COL9A3: variants seen among roughly 807,000 people sequenced by gnomAD.
The protein encoded by COL9A3 is collagen type IX alpha 3 chain.
COL9A3 carries 82 observed loss-of-function variants against 110.2 expected under a neutral mutation model. That is an observed-to-expected ratio of 0.74 (90% CI 0.62 to 0.89). COL9A3 has a LOEUF of 0.89. COL9A3 is among the 40% of genes least tolerant of loss of function. COL9A3 has a pLI of 0.00. For missense variants in COL9A3, 1,066 were observed against 981.3 expected (o/e 1.09, Z -1.15); for synonymous variants, 494 against 403.8 (o/e 1.22, Z -2.68).
chr20:62,824,912 C>T, intron 11 of COL9A3, 56 bp from the exon 12 acceptor site: 1 of 1,546,902 alleles, frequency 6.5e-7, no homozygotes. Flanking sequence ...TCAGTGTTGC[C>T]AGGGAGGGGG....
intron 3 of COL9A3, 35 bp from the exon 4 acceptor site, chr20:62,819,187 C>G: frequency 6.2e-7 from 1 of 1,603,264 alleles, no homozygotes; most frequent in Non-Finnish European, 8.5e-7. Context: ...AGGCCAGACC[C>G]CGCCTTCACA....
At chr20:62,837,797 ACTCCGT>A (rs889754008) in intron 30 of COL9A3, among the ~76,000 whole-genome samples, 2 of 150,232 alleles carry the variant, frequency 1.3e-5, no homozygotes, top group Admixed American at 1.3e-4. Flanking sequence ...ACAGAGCGAG[ACTCCGT>A]CTCCATAAAA....
intron 17 of COL9A3, among the ~76,000 whole-genome samples, chr20:62,828,525 G>A (rs1161606299): frequency 6.6e-6 from 1 of 152,212 alleles, no homozygotes; most frequent in Non-Finnish European, 1.5e-5. Flanking sequence ...ACGAGGCCTC[G>A]GGCGTCAGCA....
chr20:62,822,146 AG>A lies in COL9A3; in HGVS notation c.461del (p.Gly154AspfsTer379). On this transcript the variant is annotated frameshift_variant, in exon 9 of 32. Transcript: ENST00000649368. LOFTEE classifies it high-confidence loss of function. ...GACTCCCCGGCCTCCCTGGTCCCCCAGGACCTCCCGGACCCCCTGTAAGTAC... is the reference window on the plus strand; with the variant it reads ...GACTCCCCGGCCTCCCTGGTCCCCCAGACCTCCCGGACCCCCTGTAAGTAC... The part of the protein sequence containing the change: ...SGLPGLPGPP[G>X]PPGPPGHPGV... 1 of 1,585,532 alleles carries A rather than the reference AG, an allele frequency of 6.3e-7. No individual in the cohort carries two copies. The highest frequency in any genetic ancestry group is 8.7e-7 in the Non-Finnish European group (1 of 1,154,794).
intron 30 of COL9A3, 138 bp downstream of exon 30, chr20:62,837,403 G>C (rs1451593310): frequency 1.2e-6 from 1 of 864,960 alleles, no homozygotes; most frequent in Non-Finnish European, 1.8e-6. Context: ...CATGTTTTGG[G>C]GCCTAGCGCA....
chr20:62,838,515 C>G (rs2063652148), intron 30 of COL9A3, among the ~76,000 whole-genome samples, 169 bp from the exon 31 acceptor site: 1 of 152,244 alleles, frequency 6.6e-6, no homozygotes, highest in Non-Finnish European at 1.5e-5. Context: ...GTGGGTCCCT[C>G]TCGTCGGACC....
intron 27 of COL9A3, 73 bp from the exon 28 acceptor site, chr20:62,836,114 G>C: frequency 1.9e-6 from 3 of 1,605,486 alleles, no homozygotes; most frequent in Non-Finnish European, 2.6e-6. Context: ...CGTGCCGGCT[G>C]GGAAAGAGCA....
intron 5 of COL9A3, among the ~76,000 whole-genome samples, 169 bp downstream of exon 5, chr20:62,820,151 C>G (rs1417882632): frequency 1.3e-5 from 2 of 152,168 alleles, no homozygotes; most frequent in African/African-American, 4.8e-5. Context: ...TGGCCAGTCC[C>G]CTGTGCCTGC....
At chr20:62,824,911 C>T in intron 11 of COL9A3, 57 bp from the exon 12 acceptor site, 1 of 1,541,518 alleles carries the variant, frequency 6.5e-7, no homozygotes, top group Non-Finnish European at 8.8e-7. Context: ...TTCAGTGTTG[C>T]CAGGGAGGGG....
At chr20:62,821,402 C>A in intron 6 of COL9A3, 105 bp from the exon 7 acceptor site, 1 of 1,511,576 alleles carries the variant, frequency 6.6e-7, no homozygotes, top group South Asian at 1.1e-5. Flanking sequence ...ACACCCATCC[C>A]TGGAACCGCC....
At chr20:62,820,357 A>T (rs948532815) in intron 5 of COL9A3, among the ~76,000 whole-genome samples, 2 of 152,002 alleles carry the variant, frequency 1.3e-5, no homozygotes, top group Admixed American at 1.3e-4. Flanking sequence ...TGCCTGTTGG[A>T]CACTGAATCC....
rs2063517801 is a variant in COL9A3, at chr20:62,822,140, TC to T, written c.458del (p.Pro153GlnfsTer380). The T allele has an allele frequency of 6.3e-7, 1 of 1,589,038 alleles. No individual in the cohort carries two copies. The highest frequency in any genetic ancestry group is 8.6e-7 in the Non-Finnish European group (1 of 1,158,212). ...CTTCTGGACTCCCCGGCCTCCCTGG[TC>T]CCCCAGGACCTCCCGGACCCCCTGT... Reference protein sequence around the residue: ...GPSGLPGLPGPPGPPGPPGHP... With the variant: ...GPSGLPGLPGXPGPPGPPGHP... On this transcript the variant is annotated frameshift_variant, in exon 9 of 32. Transcript: ENST00000649368. LOFTEE classifies it high-confidence loss of function.
chr20:62,832,461 G>A (rs979923653), intron 25 of COL9A3, among the ~76,000 whole-genome samples: 11 of 152,268 alleles, frequency 7.2e-5, no homozygotes, highest in Non-Finnish European at 1.2e-4. Context: ...TCCCTGCATG[G>A]CTCTGGGTGC....
Position 62,829,488 on chromosome 20 carries a change from A to G in COL9A3, c.1042A>G (p.Lys348Glu), listed in dbSNP as rs762481191. Residue 348 changes from lysine to glutamate, a missense_variant, in exon 20 of 32, where the codon AAG (lysine) becomes GAG (glutamate). Lys to Glu is a moderately conservative substitution (Grantham distance 56). Coordinates refer to ENST00000649368, the MANE Select transcript of COL9A3 (RefSeq NM_001853.4). ...TGGACGAGCGGGGTCCAAAGGCGAG[A>G]AGGGAGAACGGGTATGTGGCTGCAG... is the stretch of plus-strand genomic sequence containing the variant. The part of the protein sequence containing the change: ...LPGRAGSKGE[K>E]GERGRAGELG... 1.9e-6 allele frequency: 3 copies of G among 1,612,822 alleles called. No homozygotes were observed. In the South Asian group the frequency reaches 3.3e-5, roughly 18 times the overall value.
At chr20:62,827,408 T>G in intron 16 of COL9A3, 114 bp downstream of exon 16, 1 of 1,089,390 alleles carries the variant, frequency 9.2e-7, no homozygotes. Flanking sequence ...AGGGGCTGCC[T>G]GGGTGGGCCT....
intron 31 of COL9A3, 94 bp from the exon 32 acceptor site, chr20:62,840,448 G>C: frequency 8.4e-7 from 1 of 1,186,310 alleles, no homozygotes; most frequent in Non-Finnish European, 1.3e-6. Context: ...AGAGTGAGCA[G>C]ATGGAAGAGC....
chr20:62,824,223 G>GCA (rs539794420), intron 10 of COL9A3, among the ~76,000 whole-genome samples: 234 of 116,472 alleles, frequency 2.0e-3, no homozygotes, highest in Middle Eastern at 5.2e-3. Context: ...TCACCCACGT[G>GCA]GAGTGGCCTC....
intron 8 of COL9A3, 55 bp downstream of exon 8, chr20:62,821,865 C>T: frequency 2.1e-6 from 2 of 973,944 alleles, no homozygotes. Context: ...CCTCCACCCC[C>T]AGACTCAACA....
intron 14 of COL9A3, 48 bp from the exon 15 acceptor site, chr20:62,826,719 A>C: frequency 6.2e-7 from 1 of 1,605,620 alleles, no homozygotes; most frequent in Non-Finnish European, 8.5e-7. Flanking sequence ...GGGGGATGCC[A>C]GCCAGGCCTC....
Sources: allele counts gnomAD v4.1 joint callset (sites outside exome capture counted in the v4.1 genomes callset), GRCh38; gene constraint gnomAD v4.1.1; transcripts MANE v1.5; gene names NCBI Gene and HGNC (gene_info 2026-07-23, HGNC 2026-07-21).